ETNPPL: variants seen among roughly 807,000 people sequenced by gnomAD.
The protein encoded by ETNPPL is alanine--glyoxylate aminotransferase 2-like 1.
In ETNPPL, 30 loss-of-function variants were observed where a neutral mutation model predicts 55.5. That is an observed-to-expected ratio of 0.54 (90% confidence interval 0.40 to 0.73). The LOEUF (loss-of-function observed/expected upper bound fraction) is 0.73. ETNPPL is among the 30% of genes least tolerant of loss of function. The probability of loss-of-function intolerance (pLI) is 0.00; values close to 1 mark genes in which losing one functional copy is unlikely to be tolerated. For synonymous variants in ETNPPL, 202 were observed against 207.2 expected, an observed-to-expected ratio of 0.98 and a Z score of 0.21; for missense variants, 528 against 607.9, an observed-to-expected ratio of 0.87 and a Z score of 1.38.
intron 11 of ETNPPL, among the ~76,000 whole-genome samples, chr4:108,745,075 C>T (rs1334623826): frequency 1.3e-5 from 2 of 152,074 alleles, no homozygotes; most frequent in African/African-American, 4.8e-5. Flanking sequence ...CAATATCTAT[C>T]ATTTTTATCA....
intron 5 of ETNPPL, among the ~76,000 whole-genome samples, chr4:108,753,582 A>G (rs1017035580): frequency 1.3e-5 from 2 of 152,038 alleles, no homozygotes; most frequent in African/African-American, 4.8e-5. Flanking sequence ...TCTCTACAAA[A>G]AATACAAAAA....
intron 3 of ETNPPL, 21 bp downstream of exon 3, chr4:108,759,728 G>A (rs374215151): frequency 5.5e-5 from 88 of 1,612,168 alleles, no homozygotes; most frequent in Non-Finnish European, 6.7e-5. Context: ...ATGGGGAGGG[G>A]TGGGAAACCA....
At position 108,742,449 on chromosome 4, in the gene ETNPPL, C is replaced by T. The variant is rs563380871; in HGVS notation, c.*35G>A. 6.2e-7 allele frequency: 1 copy of T among 1,611,928 alleles called. No individual in the cohort carries two copies. The highest frequency in any genetic ancestry group is 1.7e-5 in the Admixed American group (1 of 60,004). On this transcript the variant is annotated 3_prime_UTR_variant, in exon 13 of 13. Transcript: ENST00000296486. ...ACACATCTACTCATTCTCTGTAACTCTGGACATCGCATCTTGCTTTAAAAT... is the reference window on the plus strand; with the variant it reads ...ACACATCTACTCATTCTCTGTAACTTTGGACATCGCATCTTGCTTTAAAAT...
At chr4:108,751,949 G>A (rs745759641) in intron 6 of ETNPPL, among the ~76,000 whole-genome samples, 37 of 152,326 alleles carry the variant, frequency 2.4e-4, no homozygotes, top group Non-Finnish European at 4.7e-4. Context: ...GTAAGATCTT[G>A]TTAATGTAAA....
chr4:108,760,021 G>C (rs1729433110), intron 2 of ETNPPL, 113 bp from the exon 3 acceptor site: 2 of 1,236,476 alleles, frequency 1.6e-6, no homozygotes, highest in Admixed American at 4.1e-5. Flanking sequence ...CAAAAGTTGA[G>C]TTCCTTTCTC....
intron 5 of ETNPPL, among the ~76,000 whole-genome samples, chr4:108,753,749 T>TAGAAAGAAAGA (rs1729026816): frequency 1.3e-5 from 1 of 76,712 alleles, no homozygotes; most frequent in Non-Finnish European, 2.4e-5. Context: ...CTCAAATAAA[T>TAGAAAGAAAGA]AAGAAAGAAA....
At chr4:108,757,617 A>G (rs543936199) in intron 3 of ETNPPL, among the ~76,000 whole-genome samples, 1 of 152,304 alleles carries the variant, frequency 6.6e-6, no homozygotes, top group South Asian at 2.1e-4. Context: ...TAAAAATAAT[A>G]AAGTAATTTT....
chr4:108,746,149 T>C (rs1458923070), intron 11 of ETNPPL, among the ~76,000 whole-genome samples: 4 of 152,174 alleles, frequency 2.6e-5, no homozygotes, highest in East Asian at 1.9e-4. Context: ...GACAAAACTA[T>C]GTTCTTTCAG....
At chr4:108,762,816 C>T in intron 1 of ETNPPL, 27 bp downstream of exon 1, 1 of 1,613,464 alleles carries the variant, frequency 6.2e-7, no homozygotes. Flanking sequence ...CCTCTCTGCA[C>T]TTACTTCCGG....
At chr4:108,762,779 C>T (rs766910928) in intron 1 of ETNPPL, 64 bp downstream of exon 1, 3 of 1,568,020 alleles carry the variant, frequency 1.9e-6, no homozygotes, top group South Asian at 2.2e-5. Context: ...GGCTTTCTCT[C>T]TCCACCTTCT....
intron 3 of ETNPPL, among the ~76,000 whole-genome samples, chr4:108,757,010 AC>A (rs1199146221): frequency 6.6e-6 from 1 of 152,150 alleles, no homozygotes; most frequent in African/African-American, 2.4e-5. Context: ...TATAGAAGAA[AC>A]CCAATAAAAA....
intron 3 of ETNPPL, 127 bp downstream of exon 3, chr4:108,759,622 G>A: frequency 1.1e-6 from 1 of 905,976 alleles, no homozygotes; most frequent in South Asian, 1.7e-5. Context: ...TGATCACTTA[G>A]TGAATGGCAA....
intron 7 of ETNPPL, among the ~76,000 whole-genome samples, chr4:108,750,495 C>CGTGTGTGTGTGTGTGT (rs3062135): frequency 9.7e-4 from 138 of 141,614 alleles, no homozygotes; most frequent in East Asian, 5.2e-3. Flanking sequence ...TTAATACCGC[C>CGTGTGTGTGTGTGTGT]GTGTGTGTGT....
At chr4:108,748,679 T>G (rs746526237) in intron 8 of ETNPPL, among the ~76,000 whole-genome samples, 12 of 152,164 alleles carry the variant, frequency 7.9e-5, no homozygotes, top group Non-Finnish European at 1.6e-4. Flanking sequence ...AAGATAAAAA[T>G]TTAGTATCTC....
chr4:108,749,537 A>T, intron 7 of ETNPPL, 74 bp from the exon 8 acceptor site: 1 of 1,160,790 alleles, frequency 8.6e-7, no homozygotes, highest in Non-Finnish European at 1.2e-6. Flanking sequence ...GATGCAAATT[A>T]TTGAAGACAA....
intron 1 of ETNPPL, 158 bp downstream of exon 1, chr4:108,762,685 C>G: frequency 2.2e-6 from 2 of 895,864 alleles, no homozygotes; most frequent in East Asian, 2.5e-5. Context: ...TCCGCGCGGC[C>G]CCTGCAGGTG....
Position 108,752,958 on chromosome 4 carries a change from T to G in ETNPPL, c.555A>C (p.Ser185=). The change falls in exon 6 of 13, where the codon TCA becomes TCC. Residue 185 remains serine (S), a synonymous_variant. Transcript: ENST00000296486. ...RGKYREDHAD[S]ASAYADEVKK... ...TCACTTCATCTGCATAAGCACTGGC[T>G]GAGTCTGCATGGTCTTCTCTATATT... 1 of 1,613,226 alleles carries G rather than the reference T, an allele frequency of 6.2e-7. No homozygotes were observed. The highest frequency in any genetic ancestry group is 1.1e-5 in the South Asian group (1 of 91,002).
chr4:108,760,146 A>C (rs771021352), intron 2 of ETNPPL, 42 bp downstream of exon 2: 3 of 1,388,254 alleles, frequency 2.2e-6, no homozygotes, highest in Non-Finnish European at 3.1e-6. Flanking sequence ...GCTTTACTCC[A>C]TGAACATTTC....
At chr4:108,746,267 A>G (rs544799012) in intron 11 of ETNPPL, 132 bp downstream of exon 11, 12 of 708,920 alleles carry the variant, frequency 1.7e-5, no homozygotes, top group Non-Finnish European at 2.3e-5. Flanking sequence ...GGAAAGTTAC[A>G]CATTTATTTC....
Sources: allele counts gnomAD v4.1 joint callset (sites outside exome capture counted in the v4.1 genomes callset), GRCh38; gene constraint gnomAD v4.1.1; transcripts MANE v1.5; gene names NCBI Gene and HGNC (gene_info 2026-07-23, HGNC 2026-07-21).